XKR4: variants seen among roughly 807,000 people sequenced by gnomAD.
XKR4 encodes XK-related protein 4.
XKR4 carries 12 observed loss-of-function variants against 53.9 expected under a neutral mutation model. The observed-to-expected ratio is 0.22, with a 90% CI of 0.14 to 0.36. XKR4 has a LOEUF of 0.36. Ranked by LOEUF, XKR4 falls within the 10% of genes least tolerant of loss-of-function variation. XKR4 has a pLI of 1.00. For synonymous variants in XKR4, 354 were observed against 362.4 expected (o/e 0.98, Z 0.26); for missense variants, 799 against 859.5 (o/e 0.93, Z 0.88).
chr8:55,477,201 A>T (rs970001390), intron 2 of XKR4, among the ~76,000 whole-genome samples: 2 of 152,110 alleles, frequency 1.3e-5, no homozygotes, highest in African/African-American at 4.8e-5. Flanking sequence ...AAACTTCCAG[A>T]GGAACGAGGC....
Position 55,345,301 on chromosome 8 carries a change from G to GA in XKR4, c.807-12367dup, listed in dbSNP as rs370156700. Among the ~76,000 whole-genome samples the GA allele has an allele frequency of 6.7e-4, 93 of 138,816 alleles. 1 individual carries two copies. The highest frequency in any genetic ancestry group is 3.7e-3 in the South Asian group (16 of 4,308). 91.1% of individuals were successfully genotyped at this position (138,816 alleles called of 152,430 possible). A position where few individuals can be genotyped will look rare whatever the true frequency, so the allele number is the denominator to read the frequency against. On this transcript the variant is annotated intron_variant, in intron 1 of 2. Transcript: ENST00000327381. The stretch of plus-strand genomic sequence containing the variant: ...AGAGTGAGACTCCATCTCAAAAAAA[G>GA]AAAAAAAAAAGAATAAAAGAATAAA...
At chr8:55,158,262 T>C in intron 1 of XKR4, among the ~76,000 whole-genome samples, 1 of 152,184 alleles carries the variant, frequency 6.6e-6, no homozygotes. Flanking sequence ...ATTAGTGACG[T>C]TGAGGATTTT....
chr8:55,186,336 A>C (rs1817376011), intron 1 of XKR4, among the ~76,000 whole-genome samples: 2 of 152,224 alleles, frequency 1.3e-5, no homozygotes, highest in South Asian at 2.1e-4. Flanking sequence ...ATCAGTAAAA[A>C]TTTGAAAACA....
At chr8:55,431,635 T>G (rs1040508252) in intron 2 of XKR4, among the ~76,000 whole-genome samples, 1 of 152,236 alleles carries the variant, frequency 6.6e-6, no homozygotes, top group African/African-American at 2.4e-5. Flanking sequence ...ACAGATAGTG[T>G]GTACAACTTC....
chr8:55,352,196 A>C (rs755300198), intron 1 of XKR4, among the ~76,000 whole-genome samples: 1 of 152,214 alleles, frequency 6.6e-6, no homozygotes, highest in Admixed American at 6.5e-5. Context: ...CCGGGTGGGG[A>C]GAGAGGCCAA....
Position 55,495,093 on chromosome 8 carries a change from C to A in XKR4, c.1007-28188C>A, listed in dbSNP as rs538178017. Among the ~76,000 whole-genome samples, 20 of 152,298 alleles carry A rather than the reference C, an allele frequency of 1.3e-4. No individual in the cohort carries two copies. In the South Asian group the frequency reaches 3.9e-3, roughly 30 times the overall value. On this transcript the variant is annotated intron_variant, in intron 2 of 2. Transcript: ENST00000327381. The stretch of plus-strand genomic sequence containing the variant: ...GCTTGTCAGTGCCCAAAGTCCAGAG[C>A]GGGCTGAGGTAGCAGGGAGCTGGCA...
At chr8:55,453,999 G>T in intron 2 of XKR4, 1 of 856,476 alleles carries the variant, frequency 1.2e-6, no homozygotes. Flanking sequence ...CGGATGACAG[G>T]CTCCGGGTGA....
intron 1 of XKR4, among the ~76,000 whole-genome samples, chr8:55,220,177 A>G (rs1185369273): frequency 1.3e-5 from 2 of 152,148 alleles, no homozygotes; most frequent in Non-Finnish European, 2.9e-5. Flanking sequence ...TGCATCCCCC[A>G]TAAATATACA....
intron 1 of XKR4, among the ~76,000 whole-genome samples, chr8:55,158,399 G>C (rs1354918419): frequency 2.0e-5 from 3 of 152,148 alleles, no homozygotes; most frequent in Non-Finnish European, 4.4e-5. Context: ...CTGGATGTTA[G>C]ACCTTTGCTG....
At chr8:55,252,364 T>G (rs1189584246) in intron 1 of XKR4, among the ~76,000 whole-genome samples, 3 of 152,190 alleles carry the variant, frequency 2.0e-5, no homozygotes, top group Non-Finnish European at 4.4e-5. Flanking sequence ...CTCCTAAAAT[T>G]GAAGGATCTC....
At chr8:55,368,863 T>C (rs1804030488) in intron 2 of XKR4, among the ~76,000 whole-genome samples, 1 of 152,226 alleles carries the variant, frequency 6.6e-6, no homozygotes, top group Non-Finnish European at 1.5e-5. Context: ...CAAGTTCCTG[T>C]GGAATGTCAC....
In XKR4 at chr8:55,513,608, G is replaced by A. The variant is rs201077437; in HGVS notation, c.1007-9673G>A. Among the ~76,000 whole-genome samples, 16 of 152,324 alleles carry A rather than the reference G, an allele frequency of 1.1e-4. No homozygotes were observed. The East Asian group carries it at 3.1e-3, about 29-fold the overall frequency. On this transcript the variant is annotated intron_variant, in intron 2 of 2. Transcript: ENST00000327381. ...TAACAGATACCCACAGGTGGAAAGA[G>A]TCCCTTTTCAAGAGGTTTATTCATG...
chr8:55,488,153 C>T (rs1391227786), intron 2 of XKR4, among the ~76,000 whole-genome samples: 1 of 152,180 alleles, frequency 6.6e-6, no homozygotes, highest in Non-Finnish European at 1.5e-5. Context: ...AAGTCACGGA[C>T]AATGAGTTAC....
At chr8:55,397,211 T>G (rs991005403) in intron 2 of XKR4, among the ~76,000 whole-genome samples, 1 of 152,264 alleles carries the variant, frequency 6.6e-6, no homozygotes, top group African/African-American at 2.4e-5. Context: ...GAGGAAGTTT[T>G]GTGGACATTC....
intron 1 of XKR4, among the ~76,000 whole-genome samples, chr8:55,321,202 C>T (rs1803207412): frequency 6.6e-6 from 1 of 152,116 alleles, no homozygotes; most frequent in South Asian, 2.1e-4. Flanking sequence ...TTTGCAGATT[C>T]GAGTTCTCTC....
chr8:55,354,964 C>T (rs993454769), intron 1 of XKR4, among the ~76,000 whole-genome samples: 20 of 149,218 alleles, frequency 1.3e-4, no homozygotes, highest in Admixed American at 1.1e-3. Context: ...AGCGCAATGA[C>T]ATGATCTCGG....
chr8:55,319,322 T>C (rs774147770), intron 1 of XKR4, among the ~76,000 whole-genome samples: 2 of 152,224 alleles, frequency 1.3e-5, no homozygotes, highest in Non-Finnish European at 2.9e-5. Flanking sequence ...AGATTTTAAA[T>C]GGTTTACTAC....
At chr8:55,120,719 A>C (rs1816379389) in intron 1 of XKR4, among the ~76,000 whole-genome samples, 1 of 152,096 alleles carries the variant, frequency 6.6e-6, no homozygotes, top group Non-Finnish European at 1.5e-5. Context: ...GATGGAAAAT[A>C]TTGATATATT....
Position 55,426,341 on chromosome 8 carries a change from C to G in XKR4, c.1006+68464C>G, listed in dbSNP as rs140156307. 1.1e-3 allele frequency among the ~76,000 whole-genome samples: 160 copies of G among 152,162 alleles called. 1 individual carries two copies. The highest frequency in any genetic ancestry group is 3.7e-3 in the African/African-American group (155 of 41,504). On this transcript the variant is annotated intron_variant, in intron 2 of 2. Coordinates refer to ENST00000327381, the MANE Select transcript of XKR4 (RefSeq NM_052898.2). ...GCTCAAGTATTTTCTTCTCCTGAAG[C>G]CTTTCCTAAAACTCATGGCATGCTC...
Sources: allele counts gnomAD v4.1 joint callset (sites outside exome capture counted in the v4.1 genomes callset), GRCh38; gene constraint gnomAD v4.1.1; transcripts MANE v1.5; gene names NCBI Gene and HGNC (gene_info 2026-07-23, HGNC 2026-07-21).